Variants in PCNX2 observed in about 807,000 individuals in gnomAD.
PCNX2 encodes pecanex 2, also known as pecanex-like protein 2.
Under a neutral mutation model 223.8 loss-of-function variants are expected in PCNX2, and 168 were observed. The observed-to-expected ratio is 0.75, with a 90% CI of 0.66 to 0.85. The LOEUF (loss-of-function observed/expected upper bound fraction) is 0.85, where lower values mean the gene tolerates loss of function less well. Among genes scored for constraint, PCNX2 ranks in the 40% least tolerant of loss-of-function variants. The probability of loss-of-function intolerance (pLI) is 0.00; values close to 1 mark genes in which losing one functional copy is unlikely to be tolerated. For missense variants in PCNX2, 2,507 were observed against 2,675.5 expected (o/e 0.94, Z 1.39); for synonymous variants, 1,006 against 1,052.6 (o/e 0.96, Z 0.86).
intron 23 of PCNX2, among the ~76,000 whole-genome samples, chr1:233,086,267 C>T (rs1673595192): frequency 1.3e-5 from 2 of 152,224 alleles, no homozygotes; most frequent in East Asian, 1.9e-4. Flanking sequence ...CTAGAAAGTT[C>T]GAGAAAGAAG....
chr1:232,991,641 G>A lies in PCNX2; in HGVS notation c.5792-5101C>T, dbSNP rs1558146806. ...GATGACCAGTGTCCTTATAAAAAGG[G>A]GACGTGTGGACACAGAGAAGTACAG... On this transcript the variant is annotated intron_variant, in intron 32 of 33. Transcript: ENST00000258229. The surrounding 1 kb of genome is among the most constrained non-coding windows in gnomAD (Gnocchi z 4.3). Among the ~76,000 whole-genome samples the A allele has an allele frequency of 6.6e-6, 1 of 152,094 alleles. No homozygotes were observed. Among genetic ancestry groups the A allele is most frequent in the Non-Finnish European group, 1.5e-5 (1 of 68,014 alleles).
At chr1:233,072,423 G>C (rs980609651) in intron 23 of PCNX2, among the ~76,000 whole-genome samples, 4 of 152,024 alleles carry the variant, frequency 2.6e-5, no homozygotes, top group Non-Finnish European at 5.9e-5. Context: ...GCTTGTTTTT[G>C]TCAGGTTGTA....
In PCNX2 at chr1:232,996,008, C is replaced by T. The variant is rs147001887; in HGVS notation, c.5791+2243G>A. 5.1e-3 allele frequency among the ~76,000 whole-genome samples: 773 copies of T among 152,274 alleles called. 4 individuals are homozygous for T. The highest frequency in any genetic ancestry group is 0.018 in the African/African-American group (750 of 41,548). On this transcript the variant is annotated intron_variant, in intron 32 of 33. Coordinates refer to ENST00000258229, the MANE Select transcript of PCNX2 (RefSeq NM_014801.4). Reference sequence around the variant, plus strand: ...AAGTAACTGGGATTACAAGCACCCACCACCACACCTGGCTAATTTTTTGTT... The same window carrying T: ...AAGTAACTGGGATTACAAGCACCCATCACCACACCTGGCTAATTTTTTGTT...
At chr1:233,179,199 C>T (rs1272476908) in intron 15 of PCNX2, 24 bp from the exon 16 acceptor site, 17 of 1,608,980 alleles carry the variant, frequency 1.1e-5, no homozygotes, top group Non-Finnish European at 1.4e-5. Flanking sequence ...ATCAGTTAGC[C>T]AAGTCACTCC....
chr1:233,217,456 T>A (rs535032602), intron 12 of PCNX2, among the ~76,000 whole-genome samples: 1 of 152,318 alleles, frequency 6.6e-6, no homozygotes, highest in African/African-American at 2.4e-5. Context: ...TTAAATGGAT[T>A]ATTTAATCCA....
intron 1 of PCNX2, among the ~76,000 whole-genome samples, chr1:233,288,010 AAAGG>A (rs752610766): frequency 9.7e-4 from 148 of 152,366 alleles, no homozygotes; most frequent in Non-Finnish European, 1.6e-3. Context: ...TGTAAATGCT[AAAGG>A]AAGAAAATGC....
At chr1:233,029,080 C>A (rs1240634165) in intron 25 of PCNX2, among the ~76,000 whole-genome samples, 1 of 152,200 alleles carries the variant, frequency 6.6e-6, no homozygotes, top group Admixed American at 6.5e-5. Context: ...CCTTGTGATC[C>A]ACCCACCTTG....
intron 21 of PCNX2, among the ~76,000 whole-genome samples, chr1:233,124,655 T>C (rs67465660): frequency 0.15 from 22,897 of 152,218 alleles, 1,900 homozygotes; most frequent in East Asian, 0.25. Flanking sequence ...GTTTTCCTGG[T>C]TGGGAATGCC....
intron 1 of PCNX2, among the ~76,000 whole-genome samples, chr1:233,272,701 T>TA (rs1660704499): frequency 1.3e-5 from 2 of 152,218 alleles, no homozygotes; most frequent in Non-Finnish European, 1.5e-5. Context: ...CAGGCATGTT[T>TA]ATAGCAGCAC....
At chr1:233,078,917 A>C (rs1356124006) in intron 23 of PCNX2, among the ~76,000 whole-genome samples, 1 of 152,170 alleles carries the variant, frequency 6.6e-6, no homozygotes, top group Non-Finnish European at 1.5e-5. Flanking sequence ...CAAACCTTAC[A>C]TGCAAGAGTT....
intron 21 of PCNX2, 21 bp from the exon 22 acceptor site, chr1:233,095,884 A>G: frequency 6.5e-7 from 1 of 1,538,130 alleles, no homozygotes. Flanking sequence ...AAGAAAAAAA[A>G]TTCATCAGAG....
rs756748117 is a variant in PCNX2, at chr1:232,984,485, A to G, written c.6241-8T>C. 7.4e-6 allele frequency: 12 copies of G among 1,610,782 alleles called. 1 individual carries two copies. In the South Asian group the frequency reaches 1.3e-4, roughly 18 times the overall value. On this transcript the variant is annotated splice_region_variant and splice_polypyrimidine_tract_variant and intron_variant, in intron 33 of 33. Coordinates refer to ENST00000258229, the MANE Select transcript of PCNX2 (RefSeq NM_014801.4). ...ACATGGCTCGGAGAGGTGCTTCCAA[A>G]GAGAAGAGAGAAACAGTGAACAGCT...
rs1571984296 is a variant in PCNX2, at chr1:232,990,213, T to C, written c.5792-3673A>G. Among the ~76,000 whole-genome samples the C allele has an allele frequency of 6.6e-6, 1 of 152,232 alleles. No homozygotes were observed. Among genetic ancestry groups the C allele is most frequent in the South Asian group, 2.1e-4 (1 of 4,830 alleles). ...GCAGGTAGGTGGTTTCCGCAAAGTG[T>C]CCCGGGCAGGGCCAGGCAGAGCCGC... On this transcript the variant is annotated intron_variant, in intron 32 of 33. Coordinates refer to ENST00000258229, the MANE Select transcript of PCNX2 (RefSeq NM_014801.4). The surrounding 1 kb of genome is among the most constrained non-coding windows in gnomAD (Gnocchi z 4.3).
At chr1:233,191,479 G>C (rs555214046) in intron 15 of PCNX2, among the ~76,000 whole-genome samples, 1 of 152,232 alleles carries the variant, frequency 6.6e-6, no homozygotes, top group Admixed American at 6.5e-5. Context: ...TCAAGAACAA[G>C]ATCTCCCTCT....
rs55648307 is a variant in PCNX2, at chr1:233,090,334, T to C, written c.3947-144A>G. On this transcript the variant is annotated intron_variant, in intron 22 of 33. Coordinates refer to ENST00000258229, the MANE Select transcript of PCNX2 (RefSeq NM_014801.4). The stretch of plus-strand genomic sequence containing the variant: ...AACACACACTTAATCTCTCTATGTA[T>C]AGATTTATAAATATAAAACTTTCAG... The C allele has an allele frequency of 2.9e-4, 288 of 983,246 alleles. 1 individual carries two copies. The highest frequency in any genetic ancestry group is 3.5e-4 in the Non-Finnish European group (236 of 679,894). 60.9% of individuals were successfully genotyped at this position (983,246 alleles called of 1,614,324 possible). A position where few individuals can be genotyped will look rare whatever the true frequency, so the allele number is the denominator to read the frequency against.
chr1:233,045,639 A>G (rs1424647041), intron 25 of PCNX2, among the ~76,000 whole-genome samples: 2 of 152,232 alleles, frequency 1.3e-5, no homozygotes, highest in African/African-American at 4.8e-5. Flanking sequence ...CCTTCCATCT[A>G]GAGCACACAC....
At chr1:233,145,410 ATTTTTTTCCATG>A (rs1677384779) in intron 19 of PCNX2, among the ~76,000 whole-genome samples, 1 of 152,096 alleles carries the variant, frequency 6.6e-6, no homozygotes, top group African/African-American at 2.4e-5. Flanking sequence ...GCCAAGACTC[ATTTTTTTCCATG>A]TTAATATCTG....
At chr1:233,167,353 AGAG>A (rs1678861701) in intron 17 of PCNX2, among the ~76,000 whole-genome samples, 10 of 152,296 alleles carry the variant, frequency 6.6e-5, no homozygotes, top group African/African-American at 2.4e-4. Flanking sequence ...AGAGAGAGAG[AGAG>A]AGAGTCAAAC....
At chr1:233,325,167 T>C in the PCNX2 span, among the ~76,000 whole-genome samples, 1,721 of 152,272 alleles carry the variant, frequency 0.011, 26 homozygotes, top group African/African-American at 0.037. Context: ...CTATGAGATA[T>C]GGGCAAGGTA....
Sources: allele counts gnomAD v4.1 joint callset (sites outside exome capture counted in the v4.1 genomes callset), GRCh38; gene constraint gnomAD v4.1.1; non-coding constraint Gnocchi (gnomAD v3.1); transcripts MANE v1.5; gene names NCBI Gene and HGNC (gene_info 2026-07-23, HGNC 2026-07-21).